The following TSPAN9 variants were observed in gnomAD, a reference collection of about 807,000 sequenced individuals.
TSPAN9 encodes the protein tetraspanin-9.
A neutral mutation model predicts 31.0 loss-of-function variants in TSPAN9; 16 were observed. That is an observed-to-expected ratio of 0.52 (90% CI 0.35 to 0.78). The LOEUF (loss-of-function observed/expected upper bound fraction) is 0.78. Among genes scored for constraint, TSPAN9 ranks in the 30% least tolerant of loss-of-function variants. The pLI is 0.01. For missense variants in TSPAN9, 272 were observed against 312.5 expected, an observed-to-expected ratio of 0.87 and a Z score of 0.98; for synonymous variants, 145 against 121.6, an observed-to-expected ratio of 1.19 and a Z score of -1.27.
rs552324808 is a variant in TSPAN9 at position 3,147,538 on chromosome 12, G to T, written c.-17-53639G>T. 6.6e-6 allele frequency among the ~76,000 whole-genome samples: 1 copy of T among 152,034 alleles called. No individual in the cohort carries two copies. Among genetic ancestry groups the T allele is most frequent in the Non-Finnish European group, 1.5e-5 (1 of 68,018 alleles). ...CCAGATTCAGTTTGAGCCACCTAGGGCCTGTTCTGCCCCCGAAGAGAGAGA... is the reference window on the plus strand; with the variant it reads ...CCAGATTCAGTTTGAGCCACCTAGGTCCTGTTCTGCCCCCGAAGAGAGAGA... On this transcript the variant is annotated intron_variant, in intron 2 of 8. Coordinates refer to ENST00000011898, the MANE Select transcript of TSPAN9 (RefSeq NM_006675.5). The surrounding 1 kb of genome is among the most constrained non-coding windows in gnomAD (Gnocchi z 4.3).
At chr12:3,276,252 C>G (rs1312130142) in intron 3 of TSPAN9, among the ~76,000 whole-genome samples, 1 of 152,236 alleles carries the variant, frequency 6.6e-6, no homozygotes, top group African/African-American at 2.4e-5. Context: ...GTCGCTTCTC[C>G]AAACAGCAGC....
chr12:3,097,516 C>T (rs1238090142), intron 2 of TSPAN9, among the ~76,000 whole-genome samples: 1 of 152,126 alleles, frequency 6.6e-6, no homozygotes, highest in Non-Finnish European at 1.5e-5. Context: ...CCGGAACCCA[C>T]AAGGAGGAAT....
chr12:3,146,380 C>T (rs2098337288), intron 2 of TSPAN9, among the ~76,000 whole-genome samples: 1 of 152,124 alleles, frequency 6.6e-6, no homozygotes, highest in Non-Finnish European at 1.5e-5. Context: ...TTTTCTTCCT[C>T]CATAGTCCCC....
At chr12:3,167,679 G>A (rs187757374) in intron 2 of TSPAN9, among the ~76,000 whole-genome samples, 1 of 152,302 alleles carries the variant, frequency 6.6e-6, no homozygotes, top group East Asian at 1.9e-4. Flanking sequence ...CCAAGTCCAG[G>A]CAACTGCTGC....
intron 3 of TSPAN9, among the ~76,000 whole-genome samples, chr12:3,247,313 G>A (rs12307798): frequency 3.7e-4 from 12 of 32,666 alleles, no homozygotes; most frequent in Admixed American, 1.7e-3. Flanking sequence ...CCCCCCCCCC[G>A]CCACCCGCGT....
At chr12:3,215,527 T>C (rs952893975) in intron 3 of TSPAN9, among the ~76,000 whole-genome samples, 7 of 152,222 alleles carry the variant, frequency 4.6e-5, no homozygotes, top group Admixed American at 3.9e-4. Flanking sequence ...TGTTGTTCTC[T>C]GTATCTATTT....
chr12:3,146,178 T>G (rs1201691448), intron 2 of TSPAN9, among the ~76,000 whole-genome samples: 1 of 152,230 alleles, frequency 6.6e-6, no homozygotes. Flanking sequence ...CAGCCTAGAT[T>G]TATGACCCGT....
chr12:3,096,737 G>C (rs1050263421), intron 2 of TSPAN9, among the ~76,000 whole-genome samples: 1 of 150,136 alleles, frequency 6.7e-6, no homozygotes, highest in African/African-American at 2.5e-5. Context: ...TCGCTCTGTC[G>C]CCCGGAGTGC....
At chr12:3,121,352 CTTTTTT>C (rs59198394) in intron 2 of TSPAN9, among the ~76,000 whole-genome samples, 69,162 of 108,380 alleles carry the variant, frequency 0.64, 21,190 homozygotes, top group Admixed American at 0.75. Context: ...GGGATGTTGG[CTTTTTT>C]TTTTTTTTTT....
intron 3 of TSPAN9, among the ~76,000 whole-genome samples, chr12:3,257,669 C>T (rs555048152): frequency 6.6e-6 from 1 of 151,826 alleles, no homozygotes; most frequent in African/African-American, 2.4e-5. Flanking sequence ...AGCAGGGTTC[C>T]CAGAGGCAGC....
At chr12:3,165,684 C>G (rs2098347971) in intron 2 of TSPAN9, among the ~76,000 whole-genome samples, 1 of 152,136 alleles carries the variant, frequency 6.6e-6, no homozygotes, top group Non-Finnish European at 1.5e-5. Flanking sequence ...CTTGTAAGCT[C>G]TCAAGGCCGC....
chr12:3,081,864 G>T (rs1441845887), intron 1 of TSPAN9, among the ~76,000 whole-genome samples: 1 of 50,166 alleles, frequency 2.0e-5, no homozygotes, highest in East Asian at 7.6e-4. Flanking sequence ...GCCAGGTGTG[G>T]TGGTACACAC....
rs533327385 is a variant in TSPAN9 at position 3,198,469 on chromosome 12, C to G, written c.-17-2708C>G. 3.0e-3 allele frequency among the ~76,000 whole-genome samples: 332 copies of G among 111,054 alleles called. 23 individuals carry two copies. The highest frequency in any genetic ancestry group is 0.012 in the African/African-American group (311 of 25,784). The allele number at this position is 111,054 out of a possible 152,430, so 72.9% of individuals were successfully genotyped here. On this transcript the variant is annotated intron_variant, in intron 2 of 8. Transcript: ENST00000011898. ...ACACCAGCACAGGCCACCACCAGCA[C>G]AGGCCACCACCAGCACAGGTCACCA...
In TSPAN9 at chr12:3,268,785, C is replaced by T. The variant is rs878999241; in HGVS notation, c.64-9636C>T. 2.7e-3 allele frequency among the ~76,000 whole-genome samples: 193 copies of T among 71,916 alleles called. 3 individuals are homozygous for T. Among genetic ancestry groups the T allele is most frequent in the African/African-American group, 7.5e-3 (173 of 23,140 alleles). 47.2% of individuals were successfully genotyped at this position (71,916 alleles called of 152,430 possible). ...TTCTGCAGCCTGCCCTCTCTGTGTT[C>T]CTGCAGCCTGCCCTCTCTGTGTTCC... On this transcript the variant is annotated intron_variant, in intron 3 of 8. Coordinates refer to ENST00000011898, the MANE Select transcript of TSPAN9 (RefSeq NM_006675.5).
rs149866702 is a variant in TSPAN9 at position 3,283,057 on chromosome 12, G to A, written c.661G>A (p.Ala221Thr). The change falls in exon 9 of 9, where the codon GCC (alanine) becomes ACC (threonine). Residue 221 changes from alanine (A) to threonine (T), a missense_variant. Physicochemically the swap from Ala to Thr is moderately conservative, Grantham distance 58. Coordinates refer to ENST00000011898, the MANE Select transcript of TSPAN9 (RefSeq NM_006675.5). ...CCGTGTCTTTCAGATCCTGGGCATG[G>A]CCTTCTCCATGACCCTCTTCCAGCA... ...CILIMQILGM[A>T]FSMTLFQHIH... The A allele has an allele frequency of 3.6e-5, 58 of 1,608,762 alleles. 1 individual carries two copies. The Middle Eastern group carries it at 4.9e-4, about 14-fold the overall frequency.
At chr12:3,214,828 A>G (rs1444678045) in intron 3 of TSPAN9, among the ~76,000 whole-genome samples, 1 of 151,946 alleles carries the variant, frequency 6.6e-6, no homozygotes, top group African/African-American at 2.4e-5. Context: ...CTTAATTACT[A>G]TTGTTCCAAT....
chr12:3,245,272 C>T (rs1862099708), intron 3 of TSPAN9, among the ~76,000 whole-genome samples: 1 of 152,244 alleles, frequency 6.6e-6, no homozygotes, highest in East Asian at 1.9e-4. Flanking sequence ...AGGTGCCAAG[C>T]CCATTTCTGG....
intron 2 of TSPAN9, among the ~76,000 whole-genome samples, chr12:3,119,307 A>G (rs988399882): frequency 6.6e-6 from 1 of 152,180 alleles, no homozygotes; most frequent in Non-Finnish European, 1.5e-5. Context: ...ATAGGTGAGA[A>G]AAACAAGGCT....
chr12:3,230,613 G>A (rs1164353907), intron 3 of TSPAN9, among the ~76,000 whole-genome samples: 1 of 152,146 alleles, frequency 6.6e-6, no homozygotes, highest in Non-Finnish European at 1.5e-5. Flanking sequence ...TCTAAAGTGG[G>A]GGTGGCAAGG....
Sources: allele counts gnomAD v4.1 joint callset (sites outside exome capture counted in the v4.1 genomes callset), GRCh38; gene constraint gnomAD v4.1.1; non-coding constraint Gnocchi (gnomAD v3.1); transcripts MANE v1.5; gene names NCBI Gene and HGNC (gene_info 2026-07-23, HGNC 2026-07-21).